The following PTPRZ1 variants were observed in gnomAD, a reference collection of about 807,000 sequenced individuals.
PTPRZ1 encodes receptor-type tyrosine-protein phosphatase zeta.
Under a neutral mutation model 214.1 loss-of-function variants are expected in PTPRZ1, and 82 were observed. The ratio of observed to expected loss-of-function variants is 0.38; its 90% CI spans 0.32 to 0.46. PTPRZ1 has a LOEUF of 0.46. PTPRZ1 is among the 20% of genes least tolerant of loss of function. The probability of loss-of-function intolerance (pLI) is 1.00; values close to 1 mark genes in which losing one functional copy is unlikely to be tolerated. For missense variants in PTPRZ1, 2,603 were observed against 2,748.7 expected, an observed-to-expected ratio of 0.95 and a Z score of 1.19; for synonymous variants, 945 against 987.9, an observed-to-expected ratio of 0.96 and a Z score of 0.81.
At chr7:121,907,381 A>G (rs1433830737) in intron 1 of PTPRZ1, among the ~76,000 whole-genome samples, 1 of 152,032 alleles carries the variant, frequency 6.6e-6, no homozygotes, top group Admixed American at 6.6e-5. Context: ...ACCTAATTAT[A>G]TGTGGTTGAA....
intron 2 of PTPRZ1, among the ~76,000 whole-genome samples, chr7:121,957,070 A>G (rs1002231346): frequency 6.6e-6 from 1 of 152,224 alleles, no homozygotes; most frequent in African/African-American, 2.4e-5. Flanking sequence ...TTCGCTTGGC[A>G]TTTCCAGCAC....
At chr7:121,916,092 G>A (rs1795416390) in intron 1 of PTPRZ1, among the ~76,000 whole-genome samples, 1 of 151,872 alleles carries the variant, frequency 6.6e-6, no homozygotes, top group African/African-American at 2.4e-5. Context: ...TGGCCAACAT[G>A]GTAAAACCCC....
chr7:121,960,223 T>C (rs1276673048), intron 2 of PTPRZ1, among the ~76,000 whole-genome samples: 1 of 152,100 alleles, frequency 6.6e-6, no homozygotes, highest in Non-Finnish European at 1.5e-5. Flanking sequence ...GTATTTTTAG[T>C]ACAGATGGGG....
At position 122,014,714 on chromosome 7, in the gene PTPRZ1, A is replaced by G. The variant is rs577169871; in HGVS notation, c.4843+825A>G. 3.2e-4 allele frequency among the ~76,000 whole-genome samples: 48 copies of G among 152,328 alleles called. 1 individual carries two copies. Among genetic ancestry groups the G allele is most frequent in the African/African-American group, 1.1e-3 (46 of 41,572 alleles). ...CGGCCTCCCAAAATGTTGGGATTAC[A>G]GGCGTGAGCCACTGCACCAGGCCAG... On this transcript the variant is annotated intron_variant, in intron 12 of 29. Coordinates refer to ENST00000393386, the MANE Select transcript of PTPRZ1 (RefSeq NM_002851.3).
chr7:121,881,687 A>G (rs543465292), intron 1 of PTPRZ1, among the ~76,000 whole-genome samples: 75 of 152,224 alleles, frequency 4.9e-4, no homozygotes, highest in South Asian at 1.0e-3. Context: ...TAGAAGGAGG[A>G]GTATGCTCTA....
chr7:122,011,981 C>T lies in PTPRZ1; in HGVS notation c.2935C>T (p.Pro979Ser), dbSNP rs769840366. ...IPIPKSSLIT[P>S]TASLLQPTHA... The stretch of plus-strand genomic sequence containing the variant: ...AATACCTAAGTCTTCGTTAATAACC[C>T]CAACTGCATCATTACTGCAGCCTAC... The change falls in exon 12 of 30, where the codon CCA (proline) becomes TCA (serine). Residue 979 changes from proline (P) to serine (S), a missense_variant. Around this residue, in one of 6 missense-constraint regions of PTPRZ1, gnomAD observed 1,913 missense variants for 1,914.3 expected, o/e 1.00. Coordinates refer to ENST00000393386, the MANE Select transcript of PTPRZ1 (RefSeq NM_002851.3). 1 of 1,613,996 alleles carries T rather than the reference C, an allele frequency of 6.2e-7. No homozygotes were observed. The highest frequency in any genetic ancestry group is 2.2e-5 in the East Asian group (1 of 44,882).
chr7:121,874,537 T>G (rs1040130795), intron 1 of PTPRZ1, among the ~76,000 whole-genome samples: 5 of 152,234 alleles, frequency 3.3e-5, no homozygotes, highest in African/African-American at 4.8e-5. Context: ...GGCTCCCAAT[T>G]TTTCAATTTT....
At chr7:121,918,514 G>A (rs1457807544) in intron 1 of PTPRZ1, among the ~76,000 whole-genome samples, 1 of 152,070 alleles carries the variant, frequency 6.6e-6, no homozygotes, top group Admixed American at 6.6e-5. Context: ...ACTTTAAAAT[G>A]CTGTTAATGC....
chr7:122,006,807 C>T (rs1312655738), intron 11 of PTPRZ1, among the ~76,000 whole-genome samples: 1 of 151,992 alleles, frequency 6.6e-6, no homozygotes, highest in Admixed American at 6.6e-5. Context: ...TTAATTTAAT[C>T]AAAAAGGATG....
chr7:121,987,761 A>G (rs1426209971), intron 8 of PTPRZ1, among the ~76,000 whole-genome samples: 1 of 152,214 alleles, frequency 6.6e-6, no homozygotes, highest in Non-Finnish European at 1.5e-5. Context: ...TCACAATAGC[A>G]AAGATATGGA....
chr7:121,877,994 C>T (rs7797043), intron 1 of PTPRZ1, among the ~76,000 whole-genome samples: 40,347 of 150,072 alleles, frequency 0.27, 6,781 homozygotes, highest in African/African-American at 0.47. Flanking sequence ...AAAATATATA[C>T]ATTTAAATTG....
rs772133064 is a variant in PTPRZ1 at position 122,059,770 on chromosome 7, C to T, written c.6689C>T (p.Ala2230Val). The change falls in exon 29 of 30, where the codon GCA (alanine) becomes GTA (valine). Residue 2230 changes from alanine to valine, a missense_variant. Physicochemically the swap from Ala to Val is moderately conservative, Grantham distance 64. Around this residue, in one of 6 missense-constraint regions of PTPRZ1, gnomAD observed 165 missense variants for 151.4 expected, o/e 1.09. Transcript: ENST00000393386. ...IVHDEHGGVTAGTFCALTTLM... is the reference protein window; with the variant it reads ...IVHDEHGGVTVGTFCALTTLM... Reference sequence around the variant, plus strand: ...TTTACAAGGCATGGAGGAGTGACGGCAGGAACTTTCTGTGCTCTGACAACC... The same window carrying T: ...TTTACAAGGCATGGAGGAGTGACGGTAGGAACTTTCTGTGCTCTGACAACC... 12 of 1,610,932 alleles carry T rather than the reference C, an allele frequency of 7.4e-6. No homozygotes were observed. The Admixed American group carries it at 2.0e-4, about 27-fold the overall frequency.
intron 8 of PTPRZ1, among the ~76,000 whole-genome samples, chr7:121,988,344 T>C (rs142118480): frequency 6.6e-6 from 1 of 152,320 alleles, no homozygotes; most frequent in African/African-American, 2.4e-5. Context: ...ATATATCATT[T>C]TGAGACAGCA....
At chr7:121,923,336 AAT>A (rs546794531) in intron 1 of PTPRZ1, among the ~76,000 whole-genome samples, 42 of 152,298 alleles carry the variant, frequency 2.8e-4, no homozygotes, top group Non-Finnish European at 5.9e-4. Flanking sequence ...AAGGACGTGA[AAT>A]ATGCAAGAAG....
chr7:121,994,983 GTA>G (rs146804821), intron 8 of PTPRZ1, among the ~76,000 whole-genome samples: 4 of 151,364 alleles, frequency 2.6e-5, no homozygotes, highest in South Asian at 2.1e-4. Context: ...TTTGTAAAAG[GTA>G]TATATATATA....
intron 2 of PTPRZ1, among the ~76,000 whole-genome samples, chr7:121,957,646 C>A (rs1045271889): frequency 6.6e-6 from 1 of 152,134 alleles, no homozygotes; most frequent in Non-Finnish European, 1.5e-5. Context: ...TCTGCCTGCC[C>A]ATTTACATAT....
chr7:122,009,586 A>T (rs996251769), intron 11 of PTPRZ1, among the ~76,000 whole-genome samples: 5 of 152,012 alleles, frequency 3.3e-5, no homozygotes, highest in African/African-American at 1.2e-4. Context: ...CTTCCATGCA[A>T]TGAAGATTAT....
At chr7:121,891,785 A>G (rs1440639464) in intron 1 of PTPRZ1, among the ~76,000 whole-genome samples, 1 of 151,700 alleles carries the variant, frequency 6.6e-6, no homozygotes, top group Non-Finnish European at 1.5e-5. Flanking sequence ...TATCGTTTCT[A>G]GGTCACATTT....
At chr7:121,934,576 C>A (rs954398042) in intron 2 of PTPRZ1, among the ~76,000 whole-genome samples, 2 of 150,090 alleles carry the variant, frequency 1.3e-5, no homozygotes, top group African/African-American at 4.9e-5. Flanking sequence ...TAATTGTGTG[C>A]AGATCAAATA....
Sources: allele counts gnomAD v4.1 joint callset (sites outside exome capture counted in the v4.1 genomes callset), GRCh38; gene constraint gnomAD v4.1.1; regional missense constraint gnomAD v4.1.1; transcripts MANE v1.5; gene names NCBI Gene and HGNC (gene_info 2026-07-23, HGNC 2026-07-21).